Variants in SLC25A33 observed in about 807,000 individuals in gnomAD.
SLC25A33 encodes the protein solute carrier family 25 member 33.
Under a neutral mutation model 35.5 loss-of-function variants are expected in SLC25A33, and 15 were observed. The ratio of observed to expected loss-of-function variants is 0.42; its 90% CI spans 0.28 to 0.65. The LOEUF (loss-of-function observed/expected upper bound fraction) is 0.65. SLC25A33 is among the 30% of genes least tolerant of loss of function. The pLI, the probability that SLC25A33 is intolerant of heterozygous loss-of-function variation, is 0.20. For synonymous variants in SLC25A33, 136 were observed against 148.7 expected, an observed-to-expected ratio of 0.91 and a Z score of 0.62; for missense variants, 257 against 398.5, an observed-to-expected ratio of 0.64 and a Z score of 3.02.
chr1:9,546,872 T>A (rs554321930), intron 1 of SLC25A33, among the ~76,000 whole-genome samples: 6 of 152,230 alleles, frequency 3.9e-5, no homozygotes, highest in African/African-American at 1.4e-4. Context: ...AGTAACCTGC[T>A]TCATTCTAAG....
intron 4 of SLC25A33, among the ~76,000 whole-genome samples, chr1:9,571,384 C>G (rs1005088720): frequency 6.6e-6 from 1 of 152,156 alleles, no homozygotes; most frequent in Non-Finnish European, 1.5e-5. Flanking sequence ...ACCTCCGCCT[C>G]CTGGGCTCAA....
intron 1 of SLC25A33, among the ~76,000 whole-genome samples, chr1:9,543,131 TTTTA>T (rs57265571): frequency 0.023 from 3,519 of 151,266 alleles, 142 homozygotes; most frequent in African/African-American, 0.082. Context: ...GAAAAAGTAT[TTTTA>T]TTTATTTATT....
At chr1:9,563,857 A>G (rs1643460819) in intron 2 of SLC25A33, among the ~76,000 whole-genome samples, 1 of 151,968 alleles carries the variant, frequency 6.6e-6, no homozygotes, top group African/African-American at 2.4e-5. Flanking sequence ...ACGGGGTTTC[A>G]CCATGTTGCC....
chr1:9,567,530 T>G (rs776307626), intron 3 of SLC25A33, among the ~76,000 whole-genome samples, 169 bp downstream of exon 3: 1 of 152,244 alleles, frequency 6.6e-6, no homozygotes, highest in African/African-American at 2.4e-5. Context: ...GTGTCTTCAG[T>G]GTGTGAAAGA....
At chr1:9,565,877 C>CAA (rs528314170) in intron 2 of SLC25A33, among the ~76,000 whole-genome samples, 5 of 88,530 alleles carry the variant, frequency 5.6e-5, no homozygotes, top group Non-Finnish European at 9.6e-5. Context: ...GACTCTGTCT[C>CAA]AAAAAAAAAA....
intron 2 of SLC25A33, among the ~76,000 whole-genome samples, chr1:9,562,270 C>T (rs565815467): frequency 6.6e-6 from 1 of 151,050 alleles, no homozygotes; most frequent in African/African-American, 2.4e-5. Flanking sequence ...ATCACTTGAG[C>T]CTGGGAGGCG....
At position 9,580,187 on chromosome 1, in the gene SLC25A33, C is replaced by T. The variant is rs757274993; in HGVS notation, c.716C>T (p.Ala239Val). The T allele has an allele frequency of 6.8e-6, 11 of 1,609,450 alleles. No individual in the cohort carries two copies. Among genetic ancestry groups the T allele is most frequent in the South Asian group, 1.1e-5 (1 of 90,406 alleles). ...ACAAGTTTTTTTGGACTTATGGCAG[C>T]TGCTGCTCTTTCTAAGGGCTGTGCC... Reference protein sequence around the residue: ...NSTSFFGLMAAAALSKGCASC... With the variant: ...NSTSFFGLMAVAALSKGCASC... The change falls in exon 6 of 7, where the codon GCT becomes GTT. Residue 239 changes from alanine to valine, a missense_variant. Transcript: ENST00000302692.
At chr1:9,566,812 C>T (rs1267616583) in intron 2 of SLC25A33, among the ~76,000 whole-genome samples, 4 of 152,066 alleles carry the variant, frequency 2.6e-5, no homozygotes, top group Non-Finnish European at 5.9e-5. Flanking sequence ...CGCCATTGCA[C>T]TCCAGCCTGG....
chr1:9,560,637 C>G (rs1643410064), intron 2 of SLC25A33, among the ~76,000 whole-genome samples: 1 of 151,882 alleles, frequency 6.6e-6, no homozygotes, highest in Admixed American at 6.6e-5. Context: ...TGTCAGAGAA[C>G]AGAATTTGTT....
chr1:9,539,521 G>T lies in SLC25A33; in HGVS notation c.-171G>T, dbSNP rs1488343998. ...GGTGAGGCGCCGGCGGCCACGCCGC[G>T]GAAGGCGCGGGCCGAGCAGAGCCGG... On this transcript the variant is annotated 5_prime_UTR_variant, in exon 1 of 7. Transcript: ENST00000302692. 6.3e-6 allele frequency: 2 copies of T among 317,982 alleles called. No homozygotes were observed. The highest frequency in any genetic ancestry group is 7.6e-5 in the East Asian group (1 of 13,238). 19.7% of individuals were successfully genotyped at this position (317,982 alleles called of 1,614,324 possible). A position where few individuals can be genotyped will look rare whatever the true frequency, so the allele number is the denominator to read the frequency against.
intron 1 of SLC25A33, among the ~76,000 whole-genome samples, chr1:9,542,969 C>A (rs191169477): frequency 3.9e-4 from 60 of 152,090 alleles, no homozygotes; most frequent in Non-Finnish European, 8.4e-4. Flanking sequence ...AGGCATGTGC[C>A]ACCATGCCCG....
rs1643532790 is a variant in SLC25A33 at position 9,567,770 on chromosome 1, C to G, written c.314+409C>G. Among the ~76,000 whole-genome samples, 3 of 152,194 alleles carry G rather than the reference C, an allele frequency of 2.0e-5. No individual in the cohort carries two copies. The East Asian group carries it at 5.8e-4, about 29-fold the overall frequency. ...GGTGACTCCAACGCAGTTAGAAACA[C>G]TGATCCAGAGGAATTGTAAAGGCTT... is the stretch of plus-strand genomic sequence containing the variant. On this transcript the variant is annotated intron_variant, in intron 3 of 6. Coordinates refer to ENST00000302692, the MANE Select transcript of SLC25A33 (RefSeq NM_032315.3).
intron 1 of SLC25A33, 145 bp from the exon 2 acceptor site, chr1:9,553,481 C>T (rs1176552324): frequency 2.7e-6 from 2 of 736,694 alleles, no homozygotes; most frequent in Non-Finnish European, 4.4e-6. Context: ...GATCCACCCA[C>T]CTCAGCCTCC....
intron 5 of SLC25A33, among the ~76,000 whole-genome samples, chr1:9,574,118 C>CTTTTTTTTTTTT (rs57215050): frequency 2.8e-4 from 37 of 134,354 alleles, no homozygotes; most frequent in African/African-American, 6.9e-4. Flanking sequence ...CTTTTCTTTT[C>CTTTTTTTTTTTT]TTTTTTTTTT....
intron 5 of SLC25A33, among the ~76,000 whole-genome samples, chr1:9,579,415 CTT>C (rs768395366): frequency 6.6e-6 from 1 of 151,818 alleles, no homozygotes; most frequent in Non-Finnish European, 1.5e-5. Context: ...ATGACCCTCT[CTT>C]TGGATTCTAT....
intron 2 of SLC25A33, among the ~76,000 whole-genome samples, chr1:9,554,309 G>T (rs1164070800): frequency 6.6e-6 from 1 of 152,146 alleles, no homozygotes; most frequent in Non-Finnish European, 1.5e-5. Flanking sequence ...TATTACAGGC[G>T]TGAGCCACCG....
In SLC25A33 at chr1:9,582,782, T is replaced by C. The variant is rs773016954; in HGVS notation, c.*281T>C. On this transcript the variant is annotated 3_prime_UTR_variant, in exon 7 of 7. Coordinates refer to ENST00000302692, the MANE Select transcript of SLC25A33 (RefSeq NM_032315.3). The surrounding 1 kb of genome is among the most constrained non-coding windows in gnomAD (Gnocchi z 4.0). Reference sequence around the variant, plus strand: ...TATTTAATTTAAGTATACATTTGGCTTGTGTCCTCTTTTATGCTCACTATA... The same window carrying C: ...TATTTAATTTAAGTATACATTTGGCCTGTGTCCTCTTTTATGCTCACTATA... 2.8e-5 allele frequency: 11 copies of C among 394,318 alleles called. No homozygotes were observed. The highest frequency in any genetic ancestry group is 2.1e-4 in the South Asian group (7 of 33,170). 24.4% of individuals were successfully genotyped at this position (394,318 alleles called of 1,614,324 possible).
chr1:9,584,395 A>AGATTT lies in SLC25A33; in HGVS notation c.*1895_*1896insATTTG, dbSNP rs1557540761. The AGATTT allele has an allele frequency of 6.6e-6, 1 of 152,136 alleles. No individual in the cohort carries two copies. The highest frequency in any genetic ancestry group is 1.9e-4 in the East Asian group (1 of 5,184). 9.4% of individuals were successfully genotyped at this position (152,136 alleles called of 1,614,324 possible). ...TACATGACAGTAATGCTATTCCAGA[A>AGATTT]GTTTTGTTTTGTTTTGTTTTGAGAT... is the stretch of plus-strand genomic sequence containing the variant. On this transcript the variant is annotated 3_prime_UTR_variant, in exon 7 of 7. Coordinates refer to ENST00000302692, the MANE Select transcript of SLC25A33 (RefSeq NM_032315.3).
chr1:9,568,942 T>G (rs1449952523), intron 3 of SLC25A33, among the ~76,000 whole-genome samples: 2 of 151,440 alleles, frequency 1.3e-5, no homozygotes, highest in Non-Finnish European at 2.9e-5. Context: ...TCCAGATCAG[T>G]GCTCCAATTT....
Sources: allele counts gnomAD v4.1 joint callset (sites outside exome capture counted in the v4.1 genomes callset), GRCh38; gene constraint gnomAD v4.1.1; non-coding constraint Gnocchi (gnomAD v3.1); transcripts MANE v1.5; gene names NCBI Gene and HGNC (gene_info 2026-07-23, HGNC 2026-07-21).